The following FAM163A variants were observed in gnomAD, a reference collection of about 807,000 sequenced individuals.
FAM163A encodes the protein protein FAM163A.
Under a neutral mutation model 12.0 loss-of-function variants are expected in FAM163A, and 7 were observed. The ratio of observed to expected loss-of-function variants is 0.58; its 90% CI spans 0.33 to 1.10. FAM163A has a LOEUF of 1.10. Among genes scored for constraint, FAM163A ranks in the 50% least tolerant of loss-of-function variants. FAM163A has a pLI of 0.03. For synonymous variants in FAM163A, 101 were observed against 91.0 expected, an observed-to-expected ratio of 1.11 and a Z score of -0.62; for missense variants, 202 against 218.6, an observed-to-expected ratio of 0.92 and a Z score of 0.48.
intron 1 of FAM163A, among the ~76,000 whole-genome samples, chr1:179,744,412 C>T (rs192571794): frequency 1.3e-5 from 2 of 152,204 alleles, no homozygotes; most frequent in Non-Finnish European, 2.9e-5. Context: ...CCCCGCCACC[C>T]GGCCTGGCCT....
At position 179,791,649 on chromosome 1, in the gene FAM163A, G is replaced by A. The variant is rs74132259; in HGVS notation, c.-135-16149G>A. On this transcript the variant is annotated intron_variant, in intron 1 of 4. Coordinates refer to ENST00000341785, the MANE Select transcript of FAM163A (RefSeq NM_173509.3). The stretch of plus-strand genomic sequence containing the variant: ...TTCCAGGTGTTCGAGGATGGAACGC[G>A]TTTTCATTTAACAGTTGCTAACTGG... Among the ~76,000 whole-genome samples the A allele has an allele frequency of 6.5e-3, 983 of 152,288 alleles. 9 individuals carry two copies. Among genetic ancestry groups the A allele is most frequent in the African/African-American group, 0.021 (855 of 41,556 alleles).
intron 1 of FAM163A, among the ~76,000 whole-genome samples, chr1:179,793,530 G>A (rs1220199637): frequency 3.3e-5 from 5 of 152,170 alleles, no homozygotes; most frequent in Non-Finnish European, 7.3e-5. Flanking sequence ...TGGACCGCTG[G>A]TTTAGTGCTA....
At chr1:179,753,186 T>G (rs1685528359) in intron 1 of FAM163A, among the ~76,000 whole-genome samples, 1 of 152,178 alleles carries the variant, frequency 6.6e-6, no homozygotes, top group Non-Finnish European at 1.5e-5. Context: ...CTTGAAGACA[T>G]TATACTAAGT....
At chr1:179,748,051 T>G (rs1368432813) in intron 1 of FAM163A, among the ~76,000 whole-genome samples, 1 of 152,174 alleles carries the variant, frequency 6.6e-6, no homozygotes, top group East Asian at 1.9e-4. Context: ...AAGATGAGCT[T>G]GTGAGGCCCT....
intron 1 of FAM163A, among the ~76,000 whole-genome samples, chr1:179,785,367 C>A (rs1402016142): frequency 6.6e-6 from 1 of 152,128 alleles, no homozygotes; most frequent in African/African-American, 2.4e-5. Context: ...TCCTGTACAC[C>A]CACATCTTCC....
chr1:179,780,338 GA>G (rs1689542744), intron 1 of FAM163A, among the ~76,000 whole-genome samples: 1 of 152,230 alleles, frequency 6.6e-6, no homozygotes, highest in South Asian at 2.1e-4. Context: ...TCCCAAGTGT[GA>G]AATGGAAAAT....
chr1:179,765,056 G>GC (rs1687302866), intron 1 of FAM163A, among the ~76,000 whole-genome samples: 1 of 152,150 alleles, frequency 6.6e-6, no homozygotes, highest in African/African-American at 2.4e-5. Context: ...TCATCTCAGT[G>GC]CCCCCCAATT....
rs115150352 is a variant in FAM163A, at chr1:179,799,989, T to C, written c.-135-7809T>C. On this transcript the variant is annotated intron_variant, in intron 1 of 4. Coordinates refer to ENST00000341785, the MANE Select transcript of FAM163A (RefSeq NM_173509.3). ...TGTGTGACACTCTGCAGCAGAGACATGTGGACAGTGTGGGGGATGGTGGCA... is the reference window on the plus strand; with the variant it reads ...TGTGTGACACTCTGCAGCAGAGACACGTGGACAGTGTGGGGGATGGTGGCA... Among the ~76,000 whole-genome samples, 388 of 152,258 alleles carry C rather than the reference T, an allele frequency of 2.5e-3. 2 individuals are homozygous for C. Among genetic ancestry groups the C allele is most frequent in the African/African-American group, 8.4e-3 (351 of 41,556 alleles).
chr1:179,781,576 T>C (rs1320037200), intron 1 of FAM163A, among the ~76,000 whole-genome samples: 1 of 152,112 alleles, frequency 6.6e-6, no homozygotes, highest in Non-Finnish European at 1.5e-5. Context: ...GAGTAAATCC[T>C]TCCCTCCAGT....
At chr1:179,809,031 C>G (rs754674967) in intron 2 of FAM163A, among the ~76,000 whole-genome samples, 1 of 152,080 alleles carries the variant, frequency 6.6e-6, no homozygotes, top group Non-Finnish European at 1.5e-5. Context: ...CGCTTGGGCC[C>G]TGGAAGTTGA....
At chr1:179,792,327 G>GTGTGTGTGT (rs1557952915) in intron 1 of FAM163A, among the ~76,000 whole-genome samples, 3 of 146,556 alleles carry the variant, frequency 2.0e-5, no homozygotes, top group Admixed American at 6.8e-5. Context: ...GTGTGTGTGT[G>GTGTGTGTGT]GAGATTGGGT....
rs1303205798 is a variant in FAM163A, at chr1:179,814,810, A to G, written c.*621A>G. The stretch of plus-strand genomic sequence containing the variant: ...GGTCGTTGATTCCTGAACGTATCAC[A>G]TCTCACCTGCCCCCTTCCTCGTGGG... On this transcript the variant is annotated 3_prime_UTR_variant, in exon 5 of 5. Coordinates refer to ENST00000341785, the MANE Select transcript of FAM163A (RefSeq NM_173509.3). The G allele has an allele frequency of 5.2e-5, 8 of 152,576 alleles. No homozygotes were observed. The highest frequency in any genetic ancestry group is 1.0e-4 in the Non-Finnish European group (7 of 68,396). The allele number at this position is 152,576 out of a possible 1,614,324, so 9.5% of individuals were successfully genotyped here. A position where few individuals can be genotyped will look rare whatever the true frequency, so the allele number is the denominator to read the frequency against.
At position 179,811,936 on chromosome 1, in the gene FAM163A, GCAGCTGGAGACC is replaced by G. The variant is rs536215876; in HGVS notation, c.-44-161_-44-150del. ...CATCCACTGAAATGTCTATCTACTA[GCAGCTGGAGACC>G]CAGCTGGAGACCTGGACTTGGGGTC... On this transcript the variant is annotated intron_variant, in intron 2 of 4. Coordinates refer to ENST00000341785, the MANE Select transcript of FAM163A (RefSeq NM_173509.3). Among the ~76,000 whole-genome samples, 21 of 152,242 alleles carry G rather than the reference GCAGCTGGAGACC, an allele frequency of 1.4e-4. 1 individual carries two copies. In the East Asian group the frequency reaches 2.5e-3, roughly 18 times the overall value.
rs536836230 is a variant in FAM163A at position 179,798,059 on chromosome 1, G to A, written c.-135-9739G>A. 1.0e-3 allele frequency among the ~76,000 whole-genome samples: 156 copies of A among 152,066 alleles called. 1 individual carries two copies. Among genetic ancestry groups the A allele is most frequent in the Admixed American group, 2.9e-3 (45 of 15,272 alleles). On this transcript the variant is annotated intron_variant, in intron 1 of 4. Transcript: ENST00000341785. ...AGCCTGGCTAACATGGCGAAACTCC[G>A]TCTCTACTAAAAATACAAAAACTAG...
intron 2 of FAM163A, among the ~76,000 whole-genome samples, chr1:179,811,587 G>T (rs925590156): frequency 6.6e-6 from 1 of 152,178 alleles, no homozygotes; most frequent in Non-Finnish European, 1.5e-5. Context: ...TCCACAGAGC[G>T]GGAGTGGATT....
intron 1 of FAM163A, among the ~76,000 whole-genome samples, chr1:179,762,464 T>C (rs954330113): frequency 6.6e-5 from 10 of 152,214 alleles, no homozygotes; most frequent in Admixed American, 1.3e-4. Flanking sequence ...CATTTGCAGA[T>C]TGCTTACAAG....
intron 1 of FAM163A, among the ~76,000 whole-genome samples, chr1:179,798,086 C>T (rs193084258): frequency 8.0e-4 from 121 of 152,148 alleles, no homozygotes; most frequent in Admixed American, 4.3e-3. Flanking sequence ...AAAAACTAGC[C>T]AGGCATGGTG....
chr1:179,790,711 A>G (rs1444730666), intron 1 of FAM163A, among the ~76,000 whole-genome samples: 4 of 152,166 alleles, frequency 2.6e-5, no homozygotes, highest in Admixed American at 6.5e-5. Flanking sequence ...AACTTTGAAG[A>G]CACAGTTGAA....
Position 179,814,008 on chromosome 1 carries a change from G to A in FAM163A, c.323G>A (p.Arg108Gln), listed in dbSNP as rs750971205. The A allele has an allele frequency of 3.7e-6, 6 of 1,613,100 alleles. No individual in the cohort carries two copies. In the South Asian group the frequency reaches 6.6e-5, roughly 18 times the overall value. Reference protein sequence around the residue: ...CSPYSSPFYIRTADMVPNGGG... With the variant: ...CSPYSSPFYIQTADMVPNGGG... Reference sequence around the variant, plus strand: ...CCATACAGCTCCCCCTTTTACATACGGACGGCTGACATGGTGCCCAATGGG... The same window carrying A: ...CCATACAGCTCCCCCTTTTACATACAGACGGCTGACATGGTGCCCAATGGG... Residue 108 changes from arginine (R) to glutamine (Q), a missense_variant, in exon 5 of 5, where the codon CGG (arginine) becomes CAG (glutamine). Arg to Gln is a conservative substitution (Grantham distance 43). Coordinates refer to ENST00000341785, the MANE Select transcript of FAM163A (RefSeq NM_173509.3).
Sources: allele counts gnomAD v4.1 joint callset (sites outside exome capture counted in the v4.1 genomes callset), GRCh38; gene constraint gnomAD v4.1.1; transcripts MANE v1.5; gene names NCBI Gene and HGNC (gene_info 2026-07-23, HGNC 2026-07-21).